The following MBD1 variants were observed in gnomAD, a reference collection of about 807,000 sequenced individuals.
MBD1 encodes methyl-CpG binding domain protein 1, also known as methyl-CpG-binding domain protein 1.
A neutral mutation model predicts 82.6 loss-of-function variants in MBD1; 25 were observed. The ratio of observed to expected loss-of-function variants is 0.30; its 90% CI spans 0.22 to 0.42. The LOEUF (loss-of-function observed/expected upper bound fraction) is 0.42. Among genes scored for constraint, MBD1 ranks in the 10% least tolerant of loss-of-function variants. The pLI is 1.00. For missense variants in MBD1, 627 were observed against 819.6 expected (o/e 0.76, Z 2.87); for synonymous variants, 301 against 303.7 (o/e 0.99, Z 0.09).
chr18:50,277,464 T>C (rs912520327), intron 2 of MBD1, among the ~76,000 whole-genome samples: 1 of 152,040 alleles, frequency 6.6e-6, no homozygotes, highest in Non-Finnish European at 1.5e-5. Context: ...TGGAACTATT[T>C]CATGTAAGTA....
downstream of MBD1, chr18:50,267,741 G>C: frequency 1.1e-6 from 1 of 928,250 alleles, no homozygotes; most frequent in Admixed American, 2.0e-5. Flanking sequence ...GTGAGCACAT[G>C]CAACAAATCA....
chr18:50,275,813 T>C (rs778946521), intron 7 of MBD1, 22 bp downstream of exon 7: 6 of 1,614,192 alleles, frequency 3.7e-6, no homozygotes, highest in Non-Finnish European at 5.1e-6. Context: ...AGCCTTGGGC[T>C]CTTTCCACTT....
chr18:50,272,966 T>C lies in MBD1; in HGVS notation c.1585-11A>G, dbSNP rs369112732. On this transcript the variant is annotated splice_polypyrimidine_tract_variant and intron_variant, in intron 13 of 16. Coordinates refer to ENST00000269468, the MANE Select transcript of MBD1 (RefSeq NM_015846.4). ...GCCTGGGTCTACTGCCTGGGAGAAG[T>C]AGGAAACAGGCAACCATTAGAAGGG... 14 of 1,613,766 alleles carry C rather than the reference T, an allele frequency of 8.7e-6. No individual in the cohort carries two copies. The African/African-American group carries it at 1.3e-4, about 15-fold the overall frequency.
Position 50,275,159 on chromosome 18 carries a change from G to A in MBD1, c.879C>T (p.Pro293=). ...RPGAQPLPPP[P]PSQSPEPTEP... is the part of the protein sequence containing the mutation. ...CTGTGGGCTCTGGGGACTGTGATGG[G>A]GGTGGTGGAGGCAGTGGCTGGGCTC... Residue 293 remains proline (P), a synonymous_variant, in exon 9 of 17, where the codon CCC becomes CCT. Transcript: ENST00000269468. 3.7e-6 allele frequency: 6 copies of A among 1,614,150 alleles called. No individual in the cohort carries two copies. Among genetic ancestry groups the A allele is most frequent in the Non-Finnish European group, 5.1e-6 (6 of 1,180,008 alleles).
At chr18:50,270,941 G>T in intron 16 of MBD1, 3 of 692,638 alleles carry the variant, frequency 4.3e-6, no homozygotes, top group Non-Finnish European at 5.4e-6. Context: ...AAATTAATGA[G>T]TCTCAGTTTT....
intron 16 of MBD1, chr18:50,271,220 C>A (rs558293346): frequency 3.9e-5 from 53 of 1,358,856 alleles, no homozygotes; most frequent in Middle Eastern, 2.8e-4. Flanking sequence ...CCAGCTCCCC[C>A]ACCCTTAAAA....
rs146553828 is a variant in MBD1 at position 50,273,723 on chromosome 18, T to A, written c.1287A>T (p.Thr429=). Residue 429 remains threonine (T), a synonymous_variant, in exon 12 of 17, where the codon ACA becomes ACT. Transcript: ENST00000269468. ...PTLKPTLATR[T]AQPDHTQAPT... ...GAGCCTGGGTATGGTCTGGTTGGGC[T>A]GTGCGTGTAGCCAAGGTGGGCTTCA... is the stretch of plus-strand genomic sequence containing the variant. The A allele has an allele frequency of 3.3e-5, 53 of 1,614,064 alleles. No homozygotes were observed. Among genetic ancestry groups the A allele is most frequent in the Non-Finnish European group, 4.2e-5 (49 of 1,180,048 alleles).
chr18:50,268,292 A>G (rs1423038685), downstream of MBD1, among the ~76,000 whole-genome samples: 1 of 152,270 alleles, frequency 6.6e-6, no homozygotes, highest in Non-Finnish European at 1.5e-5. Context: ...TGTGCAGCCC[A>G]AAGGGCCTCG....
intron 2 of MBD1, among the ~76,000 whole-genome samples, chr18:50,278,913 C>A (rs1214235013): frequency 2.0e-5 from 3 of 152,164 alleles, no homozygotes; most frequent in Non-Finnish European, 2.9e-5. Context: ...GACTTGGAGG[C>A]CGTATGTGTT....
chr18:50,279,981 G>A lies in MBD1; in HGVS notation c.12C>T (p.Asp4=). The change falls in exon 2 of 17, where the codon GAC becomes GAT. Residue 4 remains aspartate (D), a synonymous_variant. Transcript: ENST00000269468. MAE[D]WLDCPALGPG... The stretch of plus-strand genomic sequence containing the variant: ...GGCCCAGGGCCGGGCAGTCCAGCCA[G>A]TCCTCAGCCATGGAGGCCACAGGAA... The A allele has an allele frequency of 6.2e-7, 1 of 1,609,836 alleles. No homozygotes were observed. Among genetic ancestry groups the A allele is most frequent in the Non-Finnish European group, 8.5e-7 (1 of 1,179,872 alleles).
chr18:50,275,858 G>A lies in MBD1; in HGVS notation c.640C>T (p.Arg214Cys), dbSNP rs1234802318. The A allele has an allele frequency of 3.1e-6, 5 of 1,614,206 alleles. No individual in the cohort carries two copies. The highest frequency in any genetic ancestry group is 1.7e-5 in the Admixed American group (1 of 60,028). The change falls in exon 7 of 17, where the codon CGC becomes TGC. Residue 214 changes from arginine (R) to cysteine (C), a missense_variant. This residue lies in a region of MBD1 where 228 missense variants were observed against 318.1 expected (regional missense o/e 0.72). Coordinates refer to ENST00000269468, the MANE Select transcript of MBD1 (RefSeq NM_015846.4). ...SGLFCKCERR[R>C]CLRIVERSRG... ...ACCCTTTCCACAATCCGGAGGCAGC[G>A]TCTCCGTTCACACTTGCAGAACAGC...
chr18:50,271,251 C>G (rs947306607), intron 16 of MBD1: 2 of 1,409,088 alleles, frequency 1.4e-6, no homozygotes, highest in African/African-American at 2.9e-5. Context: ...TATACTCAGG[C>G]TCTTGGGGAG....
chr18:50,277,247 T>C (rs780567786), intron 2 of MBD1, 43 bp from the exon 3 acceptor site: 2 of 1,484,596 alleles, frequency 1.3e-6, no homozygotes, highest in Non-Finnish European at 1.9e-6. Flanking sequence ...GTGGAGCCAA[T>C]GCCATTTCAC....
chr18:50,270,166 G>A (rs1273114040), intron 16 of MBD1: 3 of 1,597,844 alleles, frequency 1.9e-6, no homozygotes, highest in Non-Finnish European at 2.5e-6. Context: ...GAAGGGGTGG[G>A]GAAGGTGGCA....
chr18:50,281,060 A>G, intron 1 of MBD1: 2 of 1,135,812 alleles, frequency 1.8e-6, no homozygotes, highest in Non-Finnish European at 2.5e-6. Flanking sequence ...CAGAGTTCTG[A>G]ACCCCCATTT....
In MBD1 at chr18:50,268,975, T is replaced by C. The variant is rs188707778; in HGVS notation, c.*876A>G. ...AAGGGCTGTCCTCCCAACAATTTTC[T>C]GAATTCTATATATTCAGCATTAAAT... On this transcript the variant is annotated 3_prime_UTR_variant, in exon 17 of 17. Transcript: ENST00000269468. 8 of 984,936 alleles carry C rather than the reference T, an allele frequency of 8.1e-6. No homozygotes were observed. The East Asian group carries it at 9.1e-4, about 112-fold the overall frequency. The allele number at this position is 984,936 out of a possible 1,614,324, so 61.0% of individuals were successfully genotyped here.
intron 7 of MBD1, 38 bp downstream of exon 7, chr18:50,275,797 G>A (rs200709721): frequency 5.0e-6 from 8 of 1,614,174 alleles, no homozygotes; most frequent in African/African-American, 1.3e-5. Context: ...GCCAGGGGCC[G>A]AGGTGAGCCT....
intron 16 of MBD1, chr18:50,271,212 A>T: frequency 7.4e-7 from 1 of 1,343,428 alleles, no homozygotes; most frequent in Non-Finnish European, 9.6e-7. Context: ...TCTCCAACCC[A>T]GCTCCCCCAC....
downstream of MBD1, among the ~76,000 whole-genome samples, chr18:50,268,670 A>G (rs1415131261): frequency 6.6e-6 from 1 of 152,206 alleles, no homozygotes; most frequent in Non-Finnish European, 1.5e-5. Context: ...GCTGAGCACC[A>G]AGAGCCTCAG....
Sources: allele counts gnomAD v4.1 joint callset (sites outside exome capture counted in the v4.1 genomes callset), GRCh38; gene constraint gnomAD v4.1.1; regional missense constraint gnomAD v4.1.1; transcripts MANE v1.5; gene names NCBI Gene and HGNC (gene_info 2026-07-23, HGNC 2026-07-21).